MYH8: variants seen among roughly 807,000 people sequenced by gnomAD.
MYH8 encodes myosin-8.
A neutral mutation model predicts 233.2 loss-of-function variants in MYH8; 168 were observed. The observed-to-expected ratio is 0.72, with a 90% CI of 0.64 to 0.82. The LOEUF is 0.82. Ranked by LOEUF, MYH8 falls within the 40% of genes least tolerant of loss-of-function variation. The pLI, the probability that MYH8 is intolerant of heterozygous loss-of-function variation, is 0.00. For missense variants in MYH8, 1,995 were observed against 2,327.8 expected (o/e 0.86, Z 2.94); for synonymous variants, 785 against 850.6 (o/e 0.92, Z 1.34).
rs889294666 is a variant in MYH8, at chr17:10,400,550, A to G, written c.3575T>C (p.Val1192Ala). Residue 1192 changes from valine to alanine, a missense_variant, in exon 27 of 40, where the codon GTG becomes GCG. Physicochemically the swap from Val to Ala is moderately conservative, Grantham distance 64. Around this residue, in one of 3 missense-constraint regions of MYH8, gnomAD observed 1,498 missense variants for 1,680.9 expected, o/e 0.89. Coordinates refer to ENST00000403437, the MANE Select transcript of MYH8 (RefSeq NM_002472.3). The surrounding 1 kb of genome is among the most constrained non-coding windows in gnomAD (Gnocchi z 4.0). Reference sequence around the variant, plus strand: ...TGCGTGCTTCTTCCGAAGAGCAGCCACCATAGCTTCATGCTGCAGGGTGGC... The same window carrying G: ...TGCGTGCTTCTTCCGAAGAGCAGCCGCCATAGCTTCATGCTGCAGGGTGGC... ...EEATLQHEAM[V>A]AALRKKHADS... 2.5e-6 allele frequency: 4 copies of G among 1,614,200 alleles called. No individual in the cohort carries two copies. Among genetic ancestry groups the G allele is most frequent in the Admixed American group, 1.7e-5 (1 of 60,022 alleles).
chr17:10,421,230 G>A (rs1217107119), intron 2 of MYH8, among the ~76,000 whole-genome samples: 3 of 152,120 alleles, frequency 2.0e-5, no homozygotes, highest in Non-Finnish European at 4.4e-5. Flanking sequence ...ATAATAATAA[G>A]TCTTTCTAAC....
At position 10,398,640 on chromosome 17, in the gene MYH8, C is replaced by A; in HGVS notation, c.3982G>T (p.Ala1328Ser). ...AGGGCGTGTGCCAGGGCGTTCTTGG[C>A]CTGCAGAAGTAGCAGTTCAGTGACA... ...LKHQLEEETK[A>S]KNALAHALQS... Residue 1328 changes from alanine (A) to serine (S), a missense_variant and splice_region_variant, in exon 30 of 40, where the codon GCC becomes TCC. Physicochemically the swap from Ala to Ser is moderately conservative, Grantham distance 99 (BLOSUM62 1). This residue lies in a region of MYH8 where 1,498 missense variants were observed against 1,680.9 expected (regional missense o/e 0.89). Coordinates refer to ENST00000403437, the MANE Select transcript of MYH8 (RefSeq NM_002472.3). 6.2e-7 allele frequency: 1 copy of A among 1,614,132 alleles called. No homozygotes were observed. The highest frequency in any genetic ancestry group is 8.5e-7 in the Non-Finnish European group (1 of 1,180,032).
Position 10,414,206 on chromosome 17 carries a change from A to G in MYH8, c.994T>C (p.Leu332=), listed in dbSNP as rs2072269365. 1 of 1,613,904 alleles carries G rather than the reference A, an allele frequency of 6.2e-7. No homozygotes were observed. Among genetic ancestry groups the G allele is most frequent in the Non-Finnish European group, 8.5e-7 (1 of 1,179,900 alleles). The change falls in exon 11 of 40, where the codon TTG becomes CTG. Residue 332 remains leucine (L), a synonymous_variant. Coordinates refer to ENST00000403437, the MANE Select transcript of MYH8 (RefSeq NM_002472.3). ...TTTTGACTTACATCAGTGGCCATCAACTCTTCTTGGTCATCAATACTGGGA... is the reference window on the plus strand; with the variant it reads ...TTTTGACTTACATCAGTGGCCATCAGCTCTTCTTGGTCATCAATACTGGGA... ...TVPSIDDQEE[L]MATDSAIDIL...
Position 10,396,586 on chromosome 17 carries a change from C to T in MYH8, c.4495G>A (p.Glu1499Lys), listed in dbSNP as rs370499944. The T allele has an allele frequency of 1.2e-5, 20 of 1,614,012 alleles. 1 individual carries two copies. The highest frequency in any genetic ancestry group is 8.9e-5 in the East Asian group (4 of 44,890). ...TTCTTATTTTCTCTTCTTAGCGTTT[C>T]GAGTTGATCCAGGGATTCCTCATAG... is the stretch of plus-strand genomic sequence containing the variant. ...NVYEESLDQL[E>K]TLRRENKNLQ... The change falls in exon 32 of 40, where the codon GAA becomes AAA. Residue 1499 changes from glutamate to lysine, a missense_variant. Physicochemically the swap from Glu to Lys is moderately conservative, Grantham distance 56 (BLOSUM62 1). Transcript: ENST00000403437. The surrounding 1 kb of genome is among the most constrained non-coding windows in gnomAD (Gnocchi z 4.2).
Position 10,392,524 on chromosome 17 carries a change from G to C in MYH8, c.5568+18C>G, listed in dbSNP as rs1304921851. Reference sequence around the variant, plus strand: ...CTGGGCAGGAAGAGTGGATATTCTGGAAGGCTATTCCCTTTACCTGGTAGG... The same window carrying C: ...CTGGGCAGGAAGAGTGGATATTCTGCAAGGCTATTCCCTTTACCTGGTAGG... On this transcript the variant is annotated intron_variant, in intron 38 of 39. Transcript: ENST00000403437. The C allele has an allele frequency of 1.9e-6, 3 of 1,602,902 alleles. No homozygotes were observed. The highest frequency in any genetic ancestry group is 2.6e-6 in the Non-Finnish European group (3 of 1,169,944).
In MYH8 at chr17:10,419,333, C is replaced by G. The variant is rs2072316860; in HGVS notation, c.211-303G>C. 6.6e-6 allele frequency among the ~76,000 whole-genome samples: 1 copy of G among 152,216 alleles called. No homozygotes were observed. Among genetic ancestry groups the G allele is most frequent in the African/African-American group, 2.4e-5 (1 of 41,456 alleles). ...TCAGCCTCCCAAAGTGCTGGGATTA[C>G]AGGCGTGAGCCACTGCGCCTGGCTA... On this transcript the variant is annotated intron_variant, in intron 3 of 39. Transcript: ENST00000403437. This position sits in a 1 kb window ranked among gnomAD's most constrained non-coding sequence, Gnocchi z 4.0.
chr17:10,420,285 G>T (rs904110225), intron 2 of MYH8, 28 bp from the exon 3 acceptor site: 24 of 1,574,788 alleles, frequency 1.5e-5, no homozygotes, highest in East Asian at 6.7e-5. Flanking sequence ...GGGAGAGAGA[G>T]ATATAAAAAG....
At position 10,414,572 on chromosome 17, in the gene MYH8, A is replaced by G. The variant is rs1219382879; in HGVS notation, c.806-88T>C. On this transcript the variant is annotated intron_variant, in intron 9 of 39. Transcript: ENST00000403437. ...ACCTCACGTCTTTGGTCAAATTTGG[A>G]GCATTACATTTGGCTCCAATGAGAT... 5.6e-6 allele frequency: 5 copies of G among 896,342 alleles called. No homozygotes were observed. In the African/African-American group the frequency reaches 8.3e-5, roughly 15 times the overall value. The allele number at this position is 896,342 out of a possible 1,614,324, so 55.5% of individuals were successfully genotyped here.
intron 17 of MYH8, 64 bp from the exon 18 acceptor site, chr17:10,407,043 T>A: frequency 1.6e-6 from 2 of 1,274,150 alleles, no homozygotes; most frequent in Non-Finnish European, 1.1e-6. Context: ...TTTGTAATTA[T>A]ATGGAATGAA....
intron 9 of MYH8, among the ~76,000 whole-genome samples, 200 bp downstream of exon 9, chr17:10,414,916 T>A (rs2142188713): frequency 6.6e-6 from 1 of 152,274 alleles, no homozygotes; most frequent in East Asian, 1.9e-4. Context: ...CTCTAGGATG[T>A]GTTACAGAAT....
intron 15 of MYH8, among the ~76,000 whole-genome samples, chr17:10,410,562 A>G (rs2072235197): frequency 6.6e-6 from 1 of 152,256 alleles, no homozygotes; most frequent in Non-Finnish European, 1.5e-5. Flanking sequence ...GATTTGATCC[A>G]GTGTCAGAAT....
rs199730970 is a variant in MYH8 at position 10,406,267 on chromosome 17, G to A, written c.2295+7C>T. 2.5e-5 allele frequency: 40 copies of A among 1,613,960 alleles called. No homozygotes were observed. The highest frequency in any genetic ancestry group is 2.2e-4 in the East Asian group (10 of 44,866). On this transcript the variant is annotated splice_region_variant and intron_variant, in intron 20 of 39. Transcript: ENST00000403437. ...CTTGGATCAGGTGTAAATAAATAAC[G>A]ATATACCTTGGTATGTCCAAATTTA...
At chr17:10,390,849 G>A (rs1158671469) in intron 39 of MYH8, among the ~76,000 whole-genome samples, 1 of 152,200 alleles carries the variant, frequency 6.6e-6, no homozygotes, top group African/African-American at 2.4e-5. Context: ...TTTATGTTCT[G>A]TGTGGAAAGG....
chr17:10,402,720 C>T (rs1026400209), intron 22 of MYH8, among the ~76,000 whole-genome samples: 1 of 152,082 alleles, frequency 6.6e-6, no homozygotes, highest in Non-Finnish European at 1.5e-5. Context: ...CATGAACATT[C>T]TCCTATATAA....
rs1555556565 is a variant in MYH8 at position 10,404,751 on chromosome 17, A to ACACACACG, written c.2433-167_2433-166insCGTGTGTG. ...TACACACACACACACACACACACACATGTACACACATTCTCGCGCTCACAC... is the reference window on the plus strand; with the variant it reads ...TACACACACACACACACACACACACACACACACGTGTACACACATTCTCGCGCTCACAC... On this transcript the variant is annotated intron_variant, in intron 21 of 39. Transcript: ENST00000403437. 8.7e-5 allele frequency among the ~76,000 whole-genome samples: 13 copies of ACACACACG among 149,090 alleles called. 1 individual carries two copies. The highest frequency in any genetic ancestry group is 2.3e-4 in the African/African-American group (9 of 39,460).
In MYH8 at chr17:10,396,937, C is replaced by T; in HGVS notation, c.4228G>A (p.Val1410Met). The T allele has an allele frequency of 1.9e-6, 3 of 1,614,234 alleles. No individual in the cohort carries two copies. The highest frequency in any genetic ancestry group is 2.5e-6 in the Non-Finnish European group (3 of 1,180,048). Residue 1410 changes from valine (V) to methionine (M), a missense_variant, in exon 31 of 40, where the codon GTG (valine) becomes ATG (methionine). Physicochemically the swap from Val to Met is conservative, Grantham distance 21. Transcript: ENST00000403437. This position sits in a 1 kb window ranked among gnomAD's most constrained non-coding sequence, Gnocchi z 4.2. The part of the protein sequence containing the change: ...LQEAEEHVEA[V>M]NAKCASLEKT... ...TCAAGGGAAGCACATTTGGCGTTCA[C>T]AGCTTCTACATGTTCCTCAGCTTCT... is the stretch of plus-strand genomic sequence containing the variant.
At position 10,409,300 on chromosome 17, in the gene MYH8, T is replaced by G. The variant is rs752816791; in HGVS notation, c.1876A>C (p.Thr626Pro). ...AMKTLASLFSTYASAEADSSA... is the reference protein window; with the variant it reads ...AMKTLASLFSPYASAEADSSA... The stretch of plus-strand genomic sequence containing the variant: ...GTACCTGCTTCAGCACTAGCATACG[T>G]GGAAAAGAGACTGGCTAGAGTCTTC... The change falls in exon 16 of 40, where the codon ACG (threonine) becomes CCG (proline). Residue 626 changes from threonine (T) to proline (P), a missense_variant. Physicochemically the swap from Thr to Pro is conservative, Grantham distance 38 (BLOSUM62 -1). This residue lies in a region of MYH8 where 1,498 missense variants were observed against 1,680.9 expected (regional missense o/e 0.89). Coordinates refer to ENST00000403437, the MANE Select transcript of MYH8 (RefSeq NM_002472.3). 9 of 1,614,090 alleles carry G rather than the reference T, an allele frequency of 5.6e-6. No individual in the cohort carries two copies. The Admixed American group carries it at 1.5e-4, about 27-fold the overall frequency.
rs943586170 is a variant in MYH8 at position 10,416,488 on chromosome 17, T to A, written c.512-780A>T. Among the ~76,000 whole-genome samples the A allele has an allele frequency of 3.3e-5, 5 of 152,304 alleles. No homozygotes were observed. The East Asian group carries it at 9.6e-4, about 29-fold the overall frequency. ...TATACTCAGAAGTAGAATTGTGGGA[T>A]CATACTGTAATTCTATTTCTAATTT... On this transcript the variant is annotated intron_variant, in intron 5 of 39. Coordinates refer to ENST00000403437, the MANE Select transcript of MYH8 (RefSeq NM_002472.3).
intron 30 of MYH8, 121 bp downstream of exon 30, chr17:10,398,323 A>G (rs2072097828): frequency 2.2e-6 from 3 of 1,391,916 alleles, no homozygotes; most frequent in East Asian, 2.3e-5. Context: ...CATTATATAT[A>G]TATAATACTT....
Sources: allele counts gnomAD v4.1 joint callset (sites outside exome capture counted in the v4.1 genomes callset), GRCh38; gene constraint gnomAD v4.1.1; regional missense constraint gnomAD v4.1.1; non-coding constraint Gnocchi (gnomAD v3.1); transcripts MANE v1.5; gene names NCBI Gene and HGNC (gene_info 2026-07-23, HGNC 2026-07-21).